Variants in MGST1 observed in about 807,000 individuals in gnomAD.
MGST1 encodes glutathione S-transferase 12.
A neutral mutation model predicts 8.9 loss-of-function variants in MGST1; 5 were observed. The ratio of observed to expected loss-of-function variants is 0.56; its 90% CI spans 0.29 to 1.19. The LOEUF (loss-of-function observed/expected upper bound fraction) is 1.19, where lower values mean the gene tolerates loss of function less well. MGST1 is among the 50% of genes most tolerant of loss of function. MGST1 has a pLI of 0.08. For missense variants in MGST1, 182 were observed against 187.4 expected (o/e 0.97, Z 0.17); for synonymous variants, 54 against 67.8 (o/e 0.80, Z 1.00).
intron 3 of MGST1, among the ~76,000 whole-genome samples, chr12:16,358,442 C>T (rs1433398085): frequency 6.6e-6 from 1 of 151,620 alleles, no homozygotes; most frequent in Non-Finnish European, 1.5e-5. Flanking sequence ...CAGCTGCATC[C>T]ATGTTGCTGC....
chr12:16,444,673 A>AG (rs1941065634), intron 4 of MGST1, among the ~76,000 whole-genome samples: 1 of 151,896 alleles, frequency 6.6e-6, no homozygotes, highest in Non-Finnish European at 1.5e-5. Context: ...CATAAGCTGA[A>AG]GGGGGAGTGC....
chr12:16,445,515 CTT>C (rs1405930872), intron 4 of MGST1, among the ~76,000 whole-genome samples: 9 of 151,936 alleles, frequency 5.9e-5, no homozygotes, highest in Admixed American at 1.3e-4. Flanking sequence ...ATCCAGATCT[CTT>C]TATGAGAAAA....
intron 2 of MGST1, among the ~76,000 whole-genome samples, chr12:16,354,987 T>A (rs1939645850): frequency 6.6e-6 from 1 of 151,970 alleles, no homozygotes; most frequent in South Asian, 2.1e-4. Context: ...GAAGCACATA[T>A]TATGTATTCA....
chr12:16,452,400 C>CAAA (rs35104776), intron 4 of MGST1, among the ~76,000 whole-genome samples: 2 of 138,580 alleles, frequency 1.4e-5, no homozygotes, highest in Non-Finnish European at 3.1e-5. Context: ...AGGAAGTGGC[C>CAAA]AAAAAAAAAA....
chr12:16,570,916 G>A (rs1942792027), intron 4 of MGST1, among the ~76,000 whole-genome samples: 1 of 152,186 alleles, frequency 6.6e-6, no homozygotes, highest in African/African-American at 2.4e-5. Flanking sequence ...TCAAGAAAAA[G>A]TGCTGTGTAG....
At chr12:16,571,013 C>T (rs368095261) in intron 4 of MGST1, among the ~76,000 whole-genome samples, 1 of 151,862 alleles carries the variant, frequency 6.6e-6, no homozygotes, top group South Asian at 2.1e-4. Context: ...TGCACATGTA[C>T]CCTAAAACTT....
At chr12:16,428,381 G>A (rs7958668) in intron 1 of MGST1, among the ~76,000 whole-genome samples, 40,896 of 151,416 alleles carry the variant, frequency 0.27, 6,724 homozygotes, top group Non-Finnish European at 0.37. Context: ...AAAATGAGTA[G>A]GACAGAGTAA....
intron 4 of MGST1, among the ~76,000 whole-genome samples, chr12:16,462,892 T>C (rs147537146): frequency 1.1e-4 from 16 of 152,286 alleles, no homozygotes; most frequent in South Asian, 2.1e-4. Context: ...GAGATTTTAT[T>C]CCTCTTATGG....
intron 1 of MGST1, among the ~76,000 whole-genome samples, chr12:16,390,103 T>A (rs539254460): frequency 4.8e-4 from 73 of 152,144 alleles, no homozygotes; most frequent in African/African-American, 1.7e-3. Flanking sequence ...AAGACTGACA[T>A]TTACACATTT....
chr12:16,452,193 T>C (rs1472477510), intron 4 of MGST1, among the ~76,000 whole-genome samples: 1 of 151,880 alleles, frequency 6.6e-6, no homozygotes, highest in Non-Finnish European at 1.5e-5. Context: ...TACTTTGTCT[T>C]TCTATAAGAT....
chr12:16,518,000 G>T lies in MGST1; in HGVS notation n.483-71528G>T, dbSNP rs1941625468. On this transcript the variant is annotated intron_variant and non_coding_transcript_variant, in intron 4 of 4. Transcript: ENST00000538857. This position sits in a 1 kb window ranked among gnomAD's most constrained non-coding sequence, Gnocchi z 4.2. ...TGATACATTCACCAAAGTGATGGTGGTCACACTGAGGTCTTCAACATGGAA... is the reference window on the plus strand; with the variant it reads ...TGATACATTCACCAAAGTGATGGTGTTCACACTGAGGTCTTCAACATGGAA... 6.6e-6 allele frequency among the ~76,000 whole-genome samples: 1 copy of T among 152,176 alleles called. No homozygotes were observed. Among genetic ancestry groups the T allele is most frequent in the Non-Finnish European group, 1.5e-5 (1 of 68,026 alleles).
intron 4 of MGST1, among the ~76,000 whole-genome samples, chr12:16,522,678 T>A (rs1941655967): frequency 6.6e-6 from 1 of 152,118 alleles, no homozygotes; most frequent in Admixed American, 6.6e-5. Flanking sequence ...GTGAGAAGAT[T>A]ATTTTTCCTG....
chr12:16,435,186 CTTAATT>C (rs1487964885), intron 1 of MGST1, among the ~76,000 whole-genome samples: 1 of 151,774 alleles, frequency 6.6e-6, no homozygotes, highest in East Asian at 1.9e-4. Flanking sequence ...GTTGTTTATT[CTTAATT>C]TTATTTTGAT....
At chr12:16,534,736 A>C (rs1025569320) in intron 4 of MGST1, among the ~76,000 whole-genome samples, 2 of 152,160 alleles carry the variant, frequency 1.3e-5, no homozygotes, top group African/African-American at 4.8e-5. Context: ...GTTTGGTAGA[A>C]GCAATGGGAA....
At position 16,482,308 on chromosome 12, in the gene MGST1, A is replaced by T. The variant is rs980069216; in HGVS notation, n.482+98704A>T. The stretch of plus-strand genomic sequence containing the variant: ...TTAAAATAGATTTTTCTGTGAGAAA[A>T]AGAAAAGGAATGTTTGATCTGAAGT... On this transcript the variant is annotated intron_variant and non_coding_transcript_variant, in intron 4 of 4. Coordinates refer to the MGST1 transcript ENST00000538857. This position sits in a 1 kb window ranked among gnomAD's most constrained non-coding sequence, Gnocchi z 4.2. Among the ~76,000 whole-genome samples, 3 of 152,146 alleles carry T rather than the reference A, an allele frequency of 2.0e-5. No homozygotes were observed. Among genetic ancestry groups the T allele is most frequent in the African/African-American group, 7.2e-5 (3 of 41,446 alleles).
At chr12:16,522,516 T>A (rs1013437128) in intron 4 of MGST1, among the ~76,000 whole-genome samples, 2 of 152,004 alleles carry the variant, frequency 1.3e-5, no homozygotes, top group African/African-American at 4.8e-5. Flanking sequence ...CATAGATCAG[T>A]TCACCTCTAG....
intron 4 of MGST1, among the ~76,000 whole-genome samples, chr12:16,541,846 G>A (rs907417458): frequency 2.6e-5 from 4 of 152,056 alleles, no homozygotes; most frequent in South Asian, 4.1e-4. Context: ...CGTAAGTTTC[G>A]GTAAGCCAAG....
intron 4 of MGST1, among the ~76,000 whole-genome samples, chr12:16,506,097 A>G (rs761901217): frequency 2.1e-4 from 32 of 152,242 alleles, no homozygotes; most frequent in Non-Finnish European, 4.0e-4. Context: ...AGTATCTGAC[A>G]TTTTATGCTA....
chr12:16,592,685 A>G (rs1943531297), downstream of MGST1, among the ~76,000 whole-genome samples: 1 of 151,982 alleles, frequency 6.6e-6, no homozygotes, highest in Non-Finnish European at 1.5e-5. Flanking sequence ...TAAACAAAAA[A>G]TAAGTGGTAT....
Sources: allele counts gnomAD v4.1 joint callset (sites outside exome capture counted in the v4.1 genomes callset), GRCh38; gene constraint gnomAD v4.1.1; non-coding constraint Gnocchi (gnomAD v3.1); transcripts MANE v1.5; gene names NCBI Gene and HGNC (gene_info 2026-07-23, HGNC 2026-07-21).